The following PELI2 variants were observed in gnomAD, a reference collection of about 807,000 sequenced individuals.
The protein encoded by PELI2 is pellino E3 ubiquitin protein ligase family member 2.
A neutral mutation model predicts 42.3 loss-of-function variants in PELI2; 23 were observed. The observed-to-expected ratio is 0.54, with a 90% CI of 0.39 to 0.77. The LOEUF (loss-of-function observed/expected upper bound fraction) is 0.77. PELI2 is among the 30% of genes least tolerant of loss of function. The pLI, the probability that PELI2 is intolerant of heterozygous loss-of-function variation, is 0.00. For missense variants in PELI2, 463 were observed against 553.2 expected (o/e 0.84, Z 1.64); for synonymous variants, 245 against 212.2 (o/e 1.15, Z -1.34).
chr14:56,131,989 C>T (rs1018686821), intron 1 of PELI2, among the ~76,000 whole-genome samples: 1 of 152,098 alleles, frequency 6.6e-6, no homozygotes, highest in Admixed American at 6.5e-5. Flanking sequence ...GGGATTTCCC[C>T]CTCACTGAAT....
At position 56,118,663 on chromosome 14, in the gene PELI2, GT is replaced by G; in HGVS notation, c.7del (p.Ser3ProfsTer15). 2.7e-6 allele frequency: 4 copies of G among 1,456,296 alleles called. No homozygotes were observed. Among genetic ancestry groups the G allele is most frequent in the Admixed American group, 2.4e-5 (1 of 41,022 alleles). The allele number at this position is 1,456,296 out of a possible 1,614,324, so 90.2% of individuals were successfully genotyped here. M[F>X]SPGQEEHCAP... ...CGTCGGCGGCCGAGCGGGGCTCCAT[GT>G]TTTCCCCTGGCCAGGAGGAACACTG... On this transcript the variant is annotated frameshift_variant, in exon 1 of 6. Coordinates refer to ENST00000267460, the MANE Select transcript of PELI2 (RefSeq NM_021255.3). LOFTEE classifies it high-confidence loss of function.
intron 2 of PELI2, among the ~76,000 whole-genome samples, chr14:56,253,424 G>T (rs1481344925): frequency 6.6e-6 from 1 of 152,202 alleles, no homozygotes; most frequent in Non-Finnish European, 1.5e-5. Context: ...TCTGTTTGCA[G>T]ATGACATGAT....
chr14:56,230,063 A>T (rs563061264), intron 2 of PELI2, among the ~76,000 whole-genome samples: 1 of 152,344 alleles, frequency 6.6e-6, no homozygotes, highest in Non-Finnish European at 1.5e-5. Context: ...AAGAGTAAAA[A>T]GAAACGAACA....
At chr14:56,227,416 A>G (rs1251524598) in intron 2 of PELI2, among the ~76,000 whole-genome samples, 1 of 152,224 alleles carries the variant, frequency 6.6e-6, no homozygotes, top group Non-Finnish European at 1.5e-5. Context: ...ATACCTAAGT[A>G]TATCTGGGAT....
intron 2 of PELI2, among the ~76,000 whole-genome samples, chr14:56,204,111 C>T (rs530448670): frequency 5.8e-4 from 88 of 152,262 alleles, no homozygotes; most frequent in Non-Finnish European, 8.8e-4. Context: ...AGGGCTTGTT[C>T]AACAGGGGCC....
chr14:56,295,007 T>C (rs1889953479), intron 5 of PELI2, among the ~76,000 whole-genome samples: 1 of 152,178 alleles, frequency 6.6e-6, no homozygotes, highest in African/African-American at 2.4e-5. Flanking sequence ...TGTTTCTGTC[T>C]GTGGAAAGCA....
intron 2 of PELI2, among the ~76,000 whole-genome samples, chr14:56,263,408 A>G (rs1379152432): frequency 6.6e-6 from 1 of 152,240 alleles, no homozygotes; most frequent in Non-Finnish European, 1.5e-5. Flanking sequence ...GCCAAAAAAA[A>G]GAGGTGAATG....
At chr14:56,190,363 G>A (rs563244214) in intron 2 of PELI2, among the ~76,000 whole-genome samples, 1 of 152,274 alleles carries the variant, frequency 6.6e-6, no homozygotes, top group South Asian at 2.1e-4. Flanking sequence ...CTGATAAGCA[G>A]ATCTTACCCA....
Position 56,118,607 on chromosome 14 carries a change from A to C in PELI2, c.-54A>C. On this transcript the variant is annotated 5_prime_UTR_variant, in exon 1 of 6. Transcript: ENST00000267460. ...TAGCGGCGGCGCGGACTCGGCGGGG[A>C]TCGCGGCGGAGGCGGCGGCGTCGGC... 8.6e-7 allele frequency: 1 copy of C among 1,161,040 alleles called. No homozygotes were observed. The highest frequency in any genetic ancestry group is 1.1e-6 in the Non-Finnish European group (1 of 885,838). 71.9% of individuals were successfully genotyped at this position (1,161,040 alleles called of 1,614,324 possible).
rs188914362 is a variant in PELI2, at chr14:56,166,945, G to A, written c.78-11390G>A. ...TAGGACTACAGGCGCCTGCCACCACGCCTGACTATTTTTTGTGTGTTTTTT... is the reference window on the plus strand; with the variant it reads ...TAGGACTACAGGCGCCTGCCACCACACCTGACTATTTTTTGTGTGTTTTTT... On this transcript the variant is annotated intron_variant, in intron 1 of 5. Transcript: ENST00000267460. Among the ~76,000 whole-genome samples the A allele has an allele frequency of 3.9e-5, 6 of 152,144 alleles. No homozygotes were observed. In the East Asian group the frequency reaches 1.2e-3, roughly 29 times the overall value.
rs140174739 is a variant in PELI2, at chr14:56,297,122, G to A, written c.1219G>A (p.Glu407Lys). ...CPFCATQLVGEQNCIKLIFQG... is the reference protein window; with the variant it reads ...CPFCATQLVGKQNCIKLIFQG... ...TTTCTGTGCTACACAGCTGGTTGGG[G>A]AGCAAAACTGCATCAAATTAATTTT... The change falls in exon 6 of 6, where the codon GAG (glutamate) becomes AAG (lysine). Residue 407 changes from glutamate (E) to lysine (K), a missense_variant. Around this residue, in one of 3 missense-constraint regions of PELI2, gnomAD observed 103 missense variants for 129.6 expected, o/e 0.80. Coordinates refer to ENST00000267460, the MANE Select transcript of PELI2 (RefSeq NM_021255.3). The A allele has an allele frequency of 2.0e-3, 3,186 of 1,604,192 alleles. 2 individuals carry two copies. Among genetic ancestry groups the A allele is most frequent in the Non-Finnish European group, 2.5e-3 (2,926 of 1,179,870 alleles).
At chr14:56,260,134 GC>G (rs201579998) in intron 2 of PELI2, among the ~76,000 whole-genome samples, 2,880 of 152,030 alleles carry the variant, frequency 0.019, 49 homozygotes, top group South Asian at 0.081. Flanking sequence ...ATGCATATTT[GC>G]TGTATGACCC....
chr14:56,279,735 GGTGGT>G lies in PELI2; in HGVS notation c.269_273del (p.Val90GlyfsTer5). 1 of 1,603,486 alleles carries G rather than the reference GGTGGT, an allele frequency of 6.2e-7. No individual in the cohort carries two copies. Among genetic ancestry groups the G allele is most frequent in the Non-Finnish European group, 8.5e-7 (1 of 1,170,844 alleles). On this transcript the variant is annotated frameshift_variant, in exon 3 of 6. Coordinates refer to ENST00000267460, the MANE Select transcript of PELI2 (RefSeq NM_021255.3). LOFTEE classifies it high-confidence loss of function. ...ACACTTTGTCAAGGAATCAGACTGT[GGTGGT>G]GGAGTACACACATGATAAGGATACG...
chr14:56,258,983 G>A (rs1439121644), intron 2 of PELI2, among the ~76,000 whole-genome samples: 1 of 151,940 alleles, frequency 6.6e-6, no homozygotes, highest in East Asian at 1.9e-4. Context: ...AATATGCACA[G>A]AGAAACAAAA....
chr14:56,252,296 C>T (rs1888374905), intron 2 of PELI2, among the ~76,000 whole-genome samples: 1 of 152,210 alleles, frequency 6.6e-6, no homozygotes. Flanking sequence ...TTTCCCAAAG[C>T]AGAGGTGTTC....
At chr14:56,276,394 T>TA (rs779904366) in intron 2 of PELI2, among the ~76,000 whole-genome samples, 12 of 152,102 alleles carry the variant, frequency 7.9e-5, no homozygotes, top group Non-Finnish European at 1.8e-4. Flanking sequence ...AGTCCTGGCT[T>TA]TAGTCTCATC....
intron 2 of PELI2, among the ~76,000 whole-genome samples, chr14:56,276,027 C>A (rs1013047947): frequency 1.3e-5 from 2 of 152,162 alleles, no homozygotes; most frequent in East Asian, 3.9e-4. Context: ...ATGATTGGCT[C>A]AAGTCAGTGA....
At chr14:56,262,642 C>T (rs963848594) in intron 2 of PELI2, among the ~76,000 whole-genome samples, 4 of 152,170 alleles carry the variant, frequency 2.6e-5, no homozygotes, top group Admixed American at 6.5e-5. Context: ...CGGCTTTCCT[C>T]TTTGGCCGAT....
At chr14:56,284,663 G>A (rs1691969976) in intron 3 of PELI2, among the ~76,000 whole-genome samples, 1 of 152,258 alleles carries the variant, frequency 6.6e-6, no homozygotes, top group Non-Finnish European at 1.5e-5. Flanking sequence ...ATTTTCTAGT[G>A]GGTATTTCTA....
Sources: allele counts gnomAD v4.1 joint callset (sites outside exome capture counted in the v4.1 genomes callset), GRCh38; gene constraint gnomAD v4.1.1; regional missense constraint gnomAD v4.1.1; transcripts MANE v1.5; gene names NCBI Gene and HGNC (gene_info 2026-07-23, HGNC 2026-07-21).